Variants in MYT1L observed in about 807,000 individuals in gnomAD.
MYT1L encodes the protein myelin transcription factor 1-like protein.
In MYT1L, 12 loss-of-function variants were observed where a neutral mutation model predicts 126.7. The ratio of observed to expected loss-of-function variants is 0.09; its 90% CI spans 0.06 to 0.15. MYT1L has a LOEUF of 0.15. Among genes scored for constraint, MYT1L ranks in the 10% least tolerant of loss-of-function variants. The pLI is 1.00. For missense variants in MYT1L, 979 were observed against 1,585.2 expected (o/e 0.62, Z 6.49); for synonymous variants, 541 against 604.2 (o/e 0.90, Z 1.53).
chr2:2,245,389 G>A (rs1245974132), intron 2 of MYT1L, among the ~76,000 whole-genome samples: 3 of 151,722 alleles, frequency 2.0e-5, no homozygotes, highest in African/African-American at 7.3e-5. Flanking sequence ...GGAACTCCTT[G>A]AGCCTTGTGT....
intron 14 of MYT1L, 61 bp downstream of exon 14, chr2:1,903,019 C>T (rs764591585): frequency 1.4e-5 from 21 of 1,472,422 alleles, no homozygotes; most frequent in Non-Finnish European, 2.0e-5. Flanking sequence ...CATTGATATA[C>T]ACAACAACAA....
At chr2:2,037,659 G>A (rs766628940) in intron 4 of MYT1L, among the ~76,000 whole-genome samples, 1 of 151,824 alleles carries the variant, frequency 6.6e-6, no homozygotes, top group Non-Finnish European at 1.5e-5. Context: ...GGGAGGCTGA[G>A]TCAGGAGAAT....
At chr2:2,215,866 C>T (rs181990016) in intron 2 of MYT1L, among the ~76,000 whole-genome samples, 113 of 152,202 alleles carry the variant, frequency 7.4e-4, no homozygotes, top group African/African-American at 2.6e-3. Context: ...TTGCATTCCC[C>T]AGTGTTGGAG....
chr2:2,267,049 G>A (rs2095149434), intron 2 of MYT1L, among the ~76,000 whole-genome samples: 2 of 152,232 alleles, frequency 1.3e-5, no homozygotes, highest in Non-Finnish European at 2.9e-5. Flanking sequence ...GGGTCCTACG[G>A]CCATGGTGAA....
chr2:2,140,868 C>T (rs1428627127), intron 3 of MYT1L, among the ~76,000 whole-genome samples: 2 of 152,170 alleles, frequency 1.3e-5, no homozygotes, highest in Non-Finnish European at 2.9e-5. Context: ...TGCGCCTGGC[C>T]TGGATCAATG....
intron 3 of MYT1L, among the ~76,000 whole-genome samples, chr2:2,166,134 C>A (rs2089071435): frequency 6.6e-6 from 1 of 152,188 alleles, no homozygotes; most frequent in African/African-American, 2.4e-5. Context: ...TTATTTCCTT[C>A]CTCGTCTCCT....
intron 2 of MYT1L, among the ~76,000 whole-genome samples, chr2:2,192,835 C>T (rs1559294888): frequency 6.6e-6 from 1 of 152,128 alleles, no homozygotes; most frequent in South Asian, 2.1e-4. Flanking sequence ...GTGCAGTTGG[C>T]TTGGGAATCT....
intron 21 of MYT1L, among the ~76,000 whole-genome samples, chr2:1,834,659 T>A (rs1373097780): frequency 2.0e-5 from 3 of 152,156 alleles, no homozygotes; most frequent in African/African-American, 7.2e-5. Flanking sequence ...ACAGTGTGGG[T>A]GCCAGGGGCT....
intron 1 of MYT1L, among the ~76,000 whole-genome samples, chr2:2,296,996 G>A (rs565628343): frequency 6.6e-6 from 1 of 152,284 alleles, no homozygotes; most frequent in South Asian, 2.1e-4. Context: ...TCTGCAGGAA[G>A]CTGGAGGACC....
At position 1,929,172 on chromosome 2, in the gene MYT1L, G is replaced by A. The variant is rs1235198030; in HGVS notation, c.506-5909C>T. Among the ~76,000 whole-genome samples, 2 of 152,170 alleles carry A rather than the reference G, an allele frequency of 1.3e-5. No individual in the cohort carries two copies. The highest frequency in any genetic ancestry group is 1.9e-4 in the East Asian group (1 of 5,184). ...TCTTTCCTTTCATAAGAGGGGAGAA[G>A]TCACTTTCCCAGCCCGGGTGGCCTT... is the stretch of plus-strand genomic sequence containing the variant. On this transcript the variant is annotated intron_variant, in intron 9 of 24. Coordinates refer to ENST00000647738, the MANE Select transcript of MYT1L (RefSeq NM_001303052.2). The surrounding 1 kb of genome is among the most constrained non-coding windows in gnomAD (Gnocchi z 4.7).
At chr2:2,157,428 G>C (rs2086911697) in intron 3 of MYT1L, among the ~76,000 whole-genome samples, 1 of 152,084 alleles carries the variant, frequency 6.6e-6, no homozygotes, top group African/African-American at 2.4e-5. Flanking sequence ...TTATTATTCT[G>C]GAGATTTTTT....
chr2:2,245,283 T>A (rs1482877911), intron 2 of MYT1L, among the ~76,000 whole-genome samples: 1 of 152,014 alleles, frequency 6.6e-6, no homozygotes, highest in East Asian at 2.0e-4. Flanking sequence ...AAGCATGTGC[T>A]GGGCCGACTG....
chr2:1,926,260 C>T (rs1446754447), intron 9 of MYT1L, among the ~76,000 whole-genome samples: 1 of 152,136 alleles, frequency 6.6e-6, no homozygotes, highest in Non-Finnish European at 1.5e-5. Context: ...TATGTGGGCT[C>T]ATGGAGGGGA....
At chr2:2,206,268 G>A (rs780245774) in intron 2 of MYT1L, among the ~76,000 whole-genome samples, 30 of 152,170 alleles carry the variant, frequency 2.0e-4, no homozygotes, top group East Asian at 1.9e-3. Flanking sequence ...ACGAGCCACC[G>A]TGCCCGGCCA....
In MYT1L at chr2:1,943,359, G is replaced by A. The variant is rs1187767358; in HGVS notation, c.153-25C>T. ...ACTAATTAAAAAAATAGAGAAGGCA[G>A]GGGAGAGAGAGAAAAAAAATATCTG... On this transcript the variant is annotated intron_variant, in intron 8 of 24. Coordinates refer to ENST00000647738, the MANE Select transcript of MYT1L (RefSeq NM_001303052.2). This position sits in a 1 kb window ranked among gnomAD's most constrained non-coding sequence, Gnocchi z 4.4. The A allele has an allele frequency of 6.0e-6, 9 of 1,509,390 alleles. No homozygotes were observed. Among genetic ancestry groups the A allele is most frequent in the Non-Finnish European group, 7.1e-6 (8 of 1,131,304 alleles). 93.5% of individuals were successfully genotyped at this position (1,509,390 alleles called of 1,614,324 possible).
chr2:2,303,069 A>G (rs922892063), intron 1 of MYT1L, among the ~76,000 whole-genome samples: 2 of 151,730 alleles, frequency 1.3e-5, no homozygotes, highest in African/African-American at 2.4e-5. Flanking sequence ...TAAAAATGGG[A>G]AAAAAAACAA....
At chr2:2,304,926 T>C (rs137866138) in intron 1 of MYT1L, among the ~76,000 whole-genome samples, 86 of 152,354 alleles carry the variant, frequency 5.6e-4, no homozygotes, top group African/African-American at 2.0e-3. Flanking sequence ...AGCCCTGGAA[T>C]GTGGCCAGTT....
chr2:1,931,174 C>T (rs1484945913), intron 9 of MYT1L, among the ~76,000 whole-genome samples: 1 of 152,198 alleles, frequency 6.6e-6, no homozygotes, highest in Admixed American at 6.5e-5. Flanking sequence ...GGAAATCTCC[C>T]CTCCCAGGTT....
chr2:1,796,323 G>A (rs775675690), intron 23 of MYT1L, among the ~76,000 whole-genome samples: 7 of 152,218 alleles, frequency 4.6e-5, no homozygotes, highest in Admixed American at 1.3e-4. Flanking sequence ...ATCCCAAGGC[G>A]TTAGCAGTGG....
Sources: allele counts gnomAD v4.1 joint callset (sites outside exome capture counted in the v4.1 genomes callset), GRCh38; gene constraint gnomAD v4.1.1; non-coding constraint Gnocchi (gnomAD v3.1); transcripts MANE v1.5; gene names NCBI Gene and HGNC (gene_info 2026-07-23, HGNC 2026-07-21).